TRAPPC9: variants seen among roughly 807,000 people sequenced by gnomAD.
The protein encoded by TRAPPC9 is trafficking protein particle complex subunit 9.
A neutral mutation model predicts 124.0 loss-of-function variants in TRAPPC9; 83 were observed. That is an observed-to-expected ratio of 0.67 (90% CI 0.56 to 0.80). The LOEUF (loss-of-function observed/expected upper bound fraction) is 0.80, where lower values mean the gene tolerates loss of function less well. TRAPPC9 is among the 30% of genes least tolerant of loss of function. TRAPPC9 has a pLI of 0.00. For missense variants in TRAPPC9, 1,302 were observed against 1,508.3 expected (o/e 0.86, Z 2.27); for synonymous variants, 638 against 617.5 (o/e 1.03, Z -0.49).
chr8:140,250,412 G>A (rs1452923142), intron 16 of TRAPPC9, among the ~76,000 whole-genome samples: 1 of 152,124 alleles, frequency 6.6e-6, no homozygotes, highest in African/African-American at 2.4e-5. Context: ...GCGAGTCCAT[G>A]CCTGAGAATC....
intron 17 of TRAPPC9, among the ~76,000 whole-genome samples, chr8:140,064,948 C>T (rs2129682264): frequency 6.6e-6 from 1 of 152,308 alleles, no homozygotes; most frequent in East Asian, 1.9e-4. Context: ...CTCTTCTCTA[C>T]AGTGAGAAGA....
chr8:140,155,566 T>A (rs2061614331), intron 17 of TRAPPC9, among the ~76,000 whole-genome samples: 1 of 152,216 alleles, frequency 6.6e-6, no homozygotes, highest in South Asian at 2.1e-4. Flanking sequence ...ACACAGGCGA[T>A]CATGCAGGCT....
At chr8:139,763,919 C>T (rs755422722) in intron 21 of TRAPPC9, among the ~76,000 whole-genome samples, 9 of 152,298 alleles carry the variant, frequency 5.9e-5, no homozygotes, top group Middle Eastern at 3.4e-3. Context: ...CTGGGGACAC[C>T]GAGGAGGACT....
chr8:139,857,751 G>C (rs922192164), intron 21 of TRAPPC9, among the ~76,000 whole-genome samples: 1 of 152,236 alleles, frequency 6.6e-6, no homozygotes, highest in African/African-American at 2.4e-5. Context: ...GGTGCCCTGG[G>C]CTGCCTGCCA....
At chr8:139,928,682 G>A (rs996637822) in intron 19 of TRAPPC9, among the ~76,000 whole-genome samples, 2 of 151,158 alleles carry the variant, frequency 1.3e-5, no homozygotes, top group Admixed American at 6.6e-5. Context: ...TGGAGGTGAC[G>A]CATTCTCCAC....
intron 14 of TRAPPC9, among the ~76,000 whole-genome samples, chr8:140,282,516 A>G (rs1254946230): frequency 6.6e-6 from 1 of 151,574 alleles, no homozygotes; most frequent in Admixed American, 6.6e-5. Context: ...AAAAAAAAAA[A>G]AGATTGTGCC....
chr8:139,796,377 G>A (rs937138808), intron 21 of TRAPPC9, among the ~76,000 whole-genome samples: 2 of 152,234 alleles, frequency 1.3e-5, no homozygotes, highest in East Asian at 1.9e-4. Flanking sequence ...GTTGGTTCCC[G>A]CCCAGAGACC....
intron 19 of TRAPPC9, among the ~76,000 whole-genome samples, chr8:139,918,638 A>G (rs1180543299): frequency 6.6e-6 from 1 of 152,230 alleles, no homozygotes; most frequent in Non-Finnish European, 1.5e-5. Flanking sequence ...GAAGTGCCCG[A>G]CATCGGGAGC....
chr8:139,946,839 T>C (rs62526996), intron 19 of TRAPPC9, among the ~76,000 whole-genome samples: 32 of 150,396 alleles, frequency 2.1e-4, no homozygotes, highest in Non-Finnish European at 4.7e-4. Flanking sequence ...AAAAAAAAAT[T>C]ATCCAGGCAT....
At chr8:139,990,153 G>C (rs1026064677) in intron 18 of TRAPPC9, among the ~76,000 whole-genome samples, 1 of 152,174 alleles carries the variant, frequency 6.6e-6, no homozygotes, top group Non-Finnish European at 1.5e-5. Context: ...GGGAGGCAAG[G>C]CTTTGCTGGC....
Position 140,258,212 on chromosome 8 carries a change from G to A in TRAPPC9, c.2279-5283C>T, listed in dbSNP as rs534226375. ...CCCGGAGAGACCGCCATTCAGACAC[G>A]GCCTGAGGGAGCAGGAGGGCTTGGG... On this transcript the variant is annotated intron_variant, in intron 15 of 22. Transcript: ENST00000438773. Among the ~76,000 whole-genome samples, 8 of 152,348 alleles carry A rather than the reference G, an allele frequency of 5.3e-5. No homozygotes were observed. In the East Asian group the frequency reaches 1.2e-3, roughly 22 times the overall value.
chr8:139,798,129 ATG>A (rs1823231189), intron 21 of TRAPPC9, among the ~76,000 whole-genome samples: 1 of 152,244 alleles, frequency 6.6e-6, no homozygotes, highest in Admixed American at 6.5e-5. Context: ...CTTCCAATCC[ATG>A]AACACAGGGT....
chr8:140,272,004 T>C (rs916049389), intron 15 of TRAPPC9, among the ~76,000 whole-genome samples: 1 of 124,258 alleles, frequency 8.0e-6, no homozygotes, highest in African/African-American at 3.4e-5. Context: ...GTGGTAGTGA[T>C]GGTGGTGACG....
intron 17 of TRAPPC9, among the ~76,000 whole-genome samples, chr8:140,085,906 G>T (rs1434071035): frequency 6.6e-6 from 1 of 151,014 alleles, no homozygotes; most frequent in Non-Finnish European, 1.5e-5. Flanking sequence ...TCTCCCCTAA[G>T]CCTATAGCTT....
chr8:140,386,047 A>T (rs2068746710), intron 7 of TRAPPC9, among the ~76,000 whole-genome samples: 1 of 152,252 alleles, frequency 6.6e-6, no homozygotes, highest in African/African-American at 2.4e-5. Flanking sequence ...CAGCATATAA[A>T]CAGAACCAAA....
chr8:140,105,900 G>A (rs1267704000), intron 17 of TRAPPC9, among the ~76,000 whole-genome samples: 3 of 152,160 alleles, frequency 2.0e-5, no homozygotes. Context: ...TCCTTCATAG[G>A]AGACCTTGTG....
chr8:139,738,672 T>A (rs1818356977), intron 21 of TRAPPC9, among the ~76,000 whole-genome samples: 2 of 152,194 alleles, frequency 1.3e-5, no homozygotes, highest in African/African-American at 4.8e-5. Context: ...ATGTGCTGTT[T>A]AAGCCACTAA....
chr8:140,056,103 C>T (rs75587289), intron 17 of TRAPPC9, among the ~76,000 whole-genome samples: 1,737 of 152,038 alleles, frequency 0.011, 31 homozygotes, highest in African/African-American at 0.04. Context: ...TATTGCAAAG[C>T]TATAGTAATT....
At chr8:139,996,158 C>CAAAAAAAAAAAAAAAAAAAAAAAAAA in intron 18 of TRAPPC9, among the ~76,000 whole-genome samples, 3 of 19,424 alleles carry the variant, frequency 1.5e-4, no homozygotes, top group East Asian at 2.4e-3. Context: ...AAAACTTAAG[C>CAAAAAAAAAAAAAAAAAAAAAAAAAA]AAAAAAAAAA....
Sources: gnomAD v4.1 joint callset for allele counts (sites outside exome capture counted in the v4.1 genomes callset) on GRCh38, gnomAD v4.1.1 for gene constraint, MANE v1.5 for transcripts, NCBI Gene and HGNC (gene_info 2026-07-23, HGNC 2026-07-21) for gene names.